PCM1: variants seen among roughly 807,000 people sequenced by gnomAD.
The protein encoded by PCM1 is pericentriolar material 1 protein.
A neutral mutation model predicts 241.9 loss-of-function variants in PCM1; 157 were observed. The ratio of observed to expected loss-of-function variants is 0.65; its 90% CI spans 0.57 to 0.74. The LOEUF (loss-of-function observed/expected upper bound fraction) is 0.74. PCM1 is among the 30% of genes least tolerant of loss of function. The pLI is 0.00. For synonymous variants in PCM1, 1,085 were observed against 784.9 expected (o/e 1.38, Z -6.39); for missense variants, 3,478 against 2,360.1 (o/e 1.47, Z -9.81).
chr8:17,957,200 A>G, intron 11 of PCM1, 64 bp from the exon 12 acceptor site: 1 of 1,352,866 alleles, frequency 7.4e-7, no homozygotes, highest in Non-Finnish European at 1.0e-6. Flanking sequence ...GCAGTTCTAA[A>G]CTTGGATTTC....
chr8:17,952,108 AGCTGCTT>A lies in PCM1; in HGVS notation c.1072-860_1072-854del, dbSNP rs574106292. 5.1e-4 allele frequency among the ~76,000 whole-genome samples: 78 copies of A among 152,118 alleles called. 2 individuals carry two copies. The East Asian group carries it at 0.015, about 29-fold the overall frequency. ...TGTGGAGGCATGCACCTGTAATCTC[AGCTGCTT>A]GAGAGGCTGAGGCAGGAGAATCGCT... On this transcript the variant is annotated intron_variant, in intron 8 of 38. Coordinates refer to ENST00000325083, the MANE Select transcript of PCM1 (RefSeq NM_006197.4).
intron 11 of PCM1, 72 bp from the exon 12 acceptor site, chr8:17,957,192 A>T: frequency 8.5e-7 from 1 of 1,182,078 alleles, no homozygotes; most frequent in Non-Finnish European, 1.2e-6. Context: ...TTTTATTAGC[A>T]GTTCTAAACT....
chr8:18,026,463 A>C (rs994741771), intron 38 of PCM1, among the ~76,000 whole-genome samples: 1 of 151,212 alleles, frequency 6.6e-6, no homozygotes, highest in African/African-American at 2.4e-5. Context: ...GGTTTCACCA[A>C]GTTACTCAGA....
At chr8:18,018,848 G>A (rs71526177) in intron 36 of PCM1, among the ~76,000 whole-genome samples, 5,123 of 34,944 alleles carry the variant, frequency 0.15, 154 homozygotes, top group Non-Finnish European at 0.24. Flanking sequence ...ATGTGTGTGT[G>A]TGTGTATATA....
intron 23 of PCM1, among the ~76,000 whole-genome samples, chr8:17,979,577 C>T (rs1269265569): frequency 6.6e-6 from 1 of 151,936 alleles, no homozygotes; most frequent in African/African-American, 2.4e-5. Context: ...ATGTAAGGAA[C>T]AAATTTAACA....
At chr8:17,939,546 A>G (rs12546237) in intron 5 of PCM1, 145 bp from the exon 6 acceptor site, 295,255 of 427,924 alleles carry the variant, frequency 0.69, 103,790 homozygotes, top group Non-Finnish European at 0.74. Context: ...GATTTTTTGC[A>G]TGTGTTAATT....
At chr8:18,007,707 A>G (rs2091718580) in intron 30 of PCM1, among the ~76,000 whole-genome samples, 1 of 152,178 alleles carries the variant, frequency 6.6e-6, no homozygotes, top group Non-Finnish European at 1.5e-5. Context: ...GTATTGAAAA[A>G]TTTTTATGAG....
intron 15 of PCM1, among the ~76,000 whole-genome samples, chr8:17,961,304 CTTTTTTTTTTT>C (rs35468848): frequency 2.5e-5 from 2 of 79,142 alleles, no homozygotes; most frequent in Admixed American, 1.9e-4. Flanking sequence ...TATTGGCTAG[CTTTTTTTTTTT>C]TTTTTTTTTT....
In PCM1 at chr8:17,976,331, G is replaced by A. The variant is rs570991327; in HGVS notation, c.3943+3644G>A. The stretch of plus-strand genomic sequence containing the variant: ...GCTAACGATTGTCCCTTGAATGGTG[G>A]GACACCCTGTTGCTGAGGAATCATT... On this transcript the variant is annotated intron_variant, in intron 23 of 38. Coordinates refer to ENST00000325083, the MANE Select transcript of PCM1 (RefSeq NM_006197.4). Among the ~76,000 whole-genome samples, 5 of 152,322 alleles carry A rather than the reference G, an allele frequency of 3.3e-5. No individual in the cohort carries two copies. In the South Asian group the frequency reaches 1.0e-3, roughly 32 times the overall value.
At position 17,948,583 on chromosome 8, in the gene PCM1, G is replaced by A. The variant is rs144448597; in HGVS notation, c.961+1220G>A. Among the ~76,000 whole-genome samples the A allele has an allele frequency of 5.4e-3, 824 of 152,120 alleles. 8 individuals carry two copies. The highest frequency in any genetic ancestry group is 0.018 in the African/African-American group (765 of 41,512). Reference sequence around the variant, plus strand: ...CTCCCAAAGTGCTGGGATTACAGGCGTCAGCCACCGTGCCTGGTCAATAAC... The same window carrying A: ...CTCCCAAAGTGCTGGGATTACAGGCATCAGCCACCGTGCCTGGTCAATAAC... On this transcript the variant is annotated intron_variant, in intron 7 of 38. Transcript: ENST00000325083.
At chr8:18,021,333 T>C (rs1362925354) in intron 36 of PCM1, among the ~76,000 whole-genome samples, 1 of 152,198 alleles carries the variant, frequency 6.6e-6, no homozygotes, top group East Asian at 1.9e-4. Flanking sequence ...GCAGTGTGGC[T>C]TGTCAAACTC....
At chr8:17,923,518 G>A (rs1163275645) in intron 1 of PCM1, among the ~76,000 whole-genome samples, 1 of 152,208 alleles carries the variant, frequency 6.6e-6, no homozygotes, top group Non-Finnish European at 1.5e-5. Context: ...CCCCTTGCGG[G>A]CGGAGGAAGC....
intron 2 of PCM1, among the ~76,000 whole-genome samples, chr8:17,933,171 G>A (rs2059520755): frequency 1.3e-5 from 2 of 152,288 alleles, no homozygotes; most frequent in Admixed American, 6.5e-5. Context: ...AAATATTTTA[G>A]CATGGTGTTT....
chr8:17,957,716 C>T lies in PCM1; in HGVS notation c.1981C>T (p.Arg661Ter), dbSNP rs1208602611. 6.2e-7 allele frequency: 1 copy of T among 1,613,326 alleles called. No homozygotes were observed. The highest frequency in any genetic ancestry group is 2.2e-5 in the East Asian group (1 of 44,868). ...TGCTGAATTTGAACAGAAGATCAAC[C>T]GACTTATGGCTGCAAAACAGAAACT... ...EDAEFEQKIN[R>*]LMAAKQKLRQ... The change falls in exon 13 of 39, where the codon CGA (arginine) becomes TGA (stop). Residue 661 changes from arginine (R) to a stop codon, truncating the protein, a stop_gained. Transcript: ENST00000325083. LOFTEE classifies it high-confidence loss of function.
rs1026562452 is a variant in PCM1 at position 17,931,684 on chromosome 8, T to G, written c.-22-3905T>G. Among the ~76,000 whole-genome samples the G allele has an allele frequency of 5.9e-5, 9 of 152,314 alleles. No homozygotes were observed. The South Asian group carries it at 6.2e-4, about 11-fold the overall frequency. On this transcript the variant is annotated intron_variant, in intron 2 of 38. Transcript: ENST00000325083. Reference sequence around the variant, plus strand: ...AAATATCTTAATTTTCCCTTCCAATTTACGTTTCAAAACAATTGCTTTTAG... The same window carrying G: ...AAATATCTTAATTTTCCCTTCCAATGTACGTTTCAAAACAATTGCTTTTAG...
At chr8:17,969,261 A>G (rs558236509) in intron 21 of PCM1, among the ~76,000 whole-genome samples, 13 of 152,160 alleles carry the variant, frequency 8.5e-5, no homozygotes, top group African/African-American at 3.1e-4. Context: ...CTTGGTTTTA[A>G]GTATTAAACC....
chr8:18,018,728 T>A (rs1244756299), intron 36 of PCM1, among the ~76,000 whole-genome samples: 1 of 151,062 alleles, frequency 6.6e-6, no homozygotes, highest in Admixed American at 6.6e-5. Flanking sequence ...GGAGAATCGC[T>A]TGAACCCGGG....
chr8:17,953,054 T>C lies in PCM1; in HGVS notation c.1156T>C (p.Ser386Pro). The C allele has an allele frequency of 1.1e-5, 18 of 1,607,254 alleles. No homozygotes were observed. The highest frequency in any genetic ancestry group is 1.4e-5 in the Non-Finnish European group (17 of 1,176,434). ...EVSQSRKPSA[S>P]ERLPDEKVEL... is the part of the protein sequence containing the mutation. ...TTCCCAGAGCAGGAAACCATCAGCT[T>C]CAGAACGTTTACCTGATGAGAAAGT... The change falls in exon 9 of 39, where the codon TCA (serine) becomes CCA (proline). Residue 386 changes from serine (S) to proline (P), a missense_variant. Transcript: ENST00000325083.
chr8:17,998,636 G>T (rs2087913041), intron 29 of PCM1, among the ~76,000 whole-genome samples: 1 of 152,100 alleles, frequency 6.6e-6, no homozygotes, highest in Admixed American at 6.5e-5. Context: ...CACAGCACTG[G>T]GGCTTGCCCA....
Sources: gnomAD v4.1 joint callset for allele counts (sites outside exome capture counted in the v4.1 genomes callset) on GRCh38, gnomAD v4.1.1 for gene constraint, MANE v1.5 for transcripts, NCBI Gene and HGNC (gene_info 2026-07-23, HGNC 2026-07-21) for gene names.